ADARB2: variants seen among roughly 807,000 people sequenced by gnomAD.
ADARB2 encodes the protein adenosine deaminase RNA specific B2 (inactive).
A neutral mutation model predicts 62.2 loss-of-function variants in ADARB2; 25 were observed. The ratio of observed to expected loss-of-function variants is 0.40; its 90% CI spans 0.29 to 0.56. The LOEUF (loss-of-function observed/expected upper bound fraction) is 0.56, where lower values mean the gene tolerates loss of function less well. ADARB2 is among the 20% of genes least tolerant of loss of function. The probability of loss-of-function intolerance (pLI) is 0.43; values close to 1 mark genes in which losing one functional copy is unlikely to be tolerated. For missense variants in ADARB2, 1,071 were observed against 1,077.4 expected (o/e 0.99, Z 0.08); for synonymous variants, 572 against 500.8 (o/e 1.14, Z -1.90).
At chr10:1,272,878 G>A (rs1478194699) in intron 3 of ADARB2, among the ~76,000 whole-genome samples, 1 of 152,248 alleles carries the variant, frequency 6.6e-6, no homozygotes, top group African/African-American at 2.4e-5. Context: ...TCTGGAGGCA[G>A]AGATCTGAGA....
At chr10:1,315,559 G>A (rs574483633) in intron 3 of ADARB2, among the ~76,000 whole-genome samples, 30 of 152,230 alleles carry the variant, frequency 2.0e-4, no homozygotes, top group Non-Finnish European at 4.1e-4. Context: ...TGTCATATTT[G>A]TAGGGCTCAA....
intron 1 of ADARB2, among the ~76,000 whole-genome samples, chr10:1,735,494 A>G (rs1321363623): frequency 1.3e-5 from 2 of 152,224 alleles, no homozygotes; most frequent in Non-Finnish European, 2.9e-5. Context: ...TAATCAAAAA[A>G]TATTGGGAAA....
At chr10:1,433,843 A>G (rs903303956) in intron 1 of ADARB2, among the ~76,000 whole-genome samples, 1 of 152,236 alleles carries the variant, frequency 6.6e-6, no homozygotes, top group Non-Finnish European at 1.5e-5. Context: ...CAGAAATGTA[A>G]TAATTTTATA....
At chr10:1,226,860 G>A (rs986409453) in intron 6 of ADARB2, among the ~76,000 whole-genome samples, 2 of 151,830 alleles carry the variant, frequency 1.3e-5, no homozygotes, top group African/African-American at 2.4e-5. Flanking sequence ...CGGGGGTCAG[G>A]TGGAGGCAGT....
In ADARB2 at chr10:1,682,605, G is replaced by A. The variant is rs544429990; in HGVS notation, c.100+54446C>T. Among the ~76,000 whole-genome samples, 21 of 152,274 alleles carry A rather than the reference G, an allele frequency of 1.4e-4. No individual in the cohort carries two copies. The South Asian group carries it at 3.7e-3, about 27-fold the overall frequency. ...AGGGTGTAATTTCCGAATGGCAACTGCATCTCCCACTGCAGTTAGCGTCAC... is the reference window on the plus strand; with the variant it reads ...AGGGTGTAATTTCCGAATGGCAACTACATCTCCCACTGCAGTTAGCGTCAC... On this transcript the variant is annotated intron_variant, in intron 1 of 9. Transcript: ENST00000381312.
At chr10:1,266,718 G>A (rs1341506428) in intron 4 of ADARB2, among the ~76,000 whole-genome samples, 1 of 152,194 alleles carries the variant, frequency 6.6e-6, no homozygotes, top group African/African-American at 2.4e-5. Flanking sequence ...CAGGACACGG[G>A]AGAAAGACCA....
chr10:1,573,772 G>C (rs1201473762), intron 1 of ADARB2, among the ~76,000 whole-genome samples: 1 of 152,128 alleles, frequency 6.6e-6, no homozygotes, highest in Non-Finnish European at 1.5e-5. Context: ...GATGATGGGG[G>C]CCAGGACTGG....
intron 1 of ADARB2, among the ~76,000 whole-genome samples, chr10:1,646,983 G>C (rs1834051209): frequency 6.6e-6 from 1 of 152,216 alleles, no homozygotes; most frequent in South Asian, 2.1e-4. Flanking sequence ...AAATGGAAAG[G>C]CCCCACCATT....
intron 1 of ADARB2, among the ~76,000 whole-genome samples, chr10:1,409,116 C>T (rs1196604331): frequency 1.3e-5 from 2 of 152,246 alleles, no homozygotes; most frequent in Non-Finnish European, 2.9e-5. Context: ...GTTCACACCA[C>T]ATACCCCTGA....
intron 1 of ADARB2, among the ~76,000 whole-genome samples, chr10:1,410,702 C>A (rs1158117106): frequency 2.0e-5 from 3 of 152,270 alleles, no homozygotes; most frequent in Middle Eastern, 3.4e-3. Flanking sequence ...TGTTTGAAGA[C>A]CCCCTGTCCT....
intron 3 of ADARB2, among the ~76,000 whole-genome samples, chr10:1,296,992 T>C (rs1831529045): frequency 1.3e-5 from 2 of 152,256 alleles, no homozygotes; most frequent in Non-Finnish European, 2.9e-5. Flanking sequence ...TGTGTAATCT[T>C]TCGTGTTTTC....
chr10:1,619,954 G>C (rs1833687819), intron 1 of ADARB2, among the ~76,000 whole-genome samples: 3 of 151,828 alleles, frequency 2.0e-5, no homozygotes, highest in African/African-American at 7.3e-5. Context: ...AATAACCCAT[G>C]GATCAATAAA....
rs543294202 is a variant in ADARB2, at chr10:1,425,871, G to A, written c.101-46711C>T. Among the ~76,000 whole-genome samples, 3 of 152,326 alleles carry A rather than the reference G, an allele frequency of 2.0e-5. No homozygotes were observed. In the South Asian group the frequency reaches 6.2e-4, roughly 32 times the overall value. On this transcript the variant is annotated intron_variant, in intron 1 of 9. Transcript: ENST00000381312. The stretch of plus-strand genomic sequence containing the variant: ...AGATTAGCAAACATTGACTCCTCAC[G>A]AAAGCCACAGCCTTCCAACTGCAAC...
intron 1 of ADARB2, among the ~76,000 whole-genome samples, chr10:1,431,567 A>G (rs1194827755): frequency 1.3e-5 from 2 of 152,180 alleles, no homozygotes; most frequent in African/African-American, 4.8e-5. Context: ...TATAAAAAAC[A>G]AGAAAAATAA....
At chr10:1,458,046 C>T (rs1035615125) in intron 1 of ADARB2, among the ~76,000 whole-genome samples, 16 of 152,272 alleles carry the variant, frequency 1.1e-4, no homozygotes, top group East Asian at 7.7e-4. Flanking sequence ...GTTCCCCAAA[C>T]GCTCTTTAGA....
chr10:1,624,282 AAAAG>A (rs1213304622), intron 1 of ADARB2, among the ~76,000 whole-genome samples: 11 of 152,142 alleles, frequency 7.2e-5, no homozygotes, highest in African/African-American at 2.4e-4. Flanking sequence ...ACCAAAGAAA[AAAAG>A]AAAGAGAATA....
At chr10:1,648,364 C>T (rs1037975038) in intron 1 of ADARB2, among the ~76,000 whole-genome samples, 1 of 152,136 alleles carries the variant, frequency 6.6e-6, no homozygotes, top group Admixed American at 6.5e-5. Context: ...GAGCCGTGGG[C>T]TTGATTTCCA....
chr10:1,281,226 C>T (rs1187778435), intron 3 of ADARB2, among the ~76,000 whole-genome samples: 1 of 152,230 alleles, frequency 6.6e-6, no homozygotes, highest in Non-Finnish European at 1.5e-5. Context: ...GACCTCATCT[C>T]CACTTAGGGG....
intron 4 of ADARB2, among the ~76,000 whole-genome samples, chr10:1,245,064 G>C (rs1237566786): frequency 6.6e-6 from 1 of 152,184 alleles, no homozygotes; most frequent in Admixed American, 6.5e-5. Context: ...TTGCCCATGA[G>C]TGAGTGCTGG....
Sources: gnomAD v4.1 joint callset for allele counts (sites outside exome capture counted in the v4.1 genomes callset) on GRCh38, gnomAD v4.1.1 for gene constraint, MANE v1.5 for transcripts, NCBI Gene and HGNC (gene_info 2026-07-23, HGNC 2026-07-21) for gene names.